The following PPARGC1A variants were observed in gnomAD, a reference collection of about 807,000 sequenced individuals.
PPARGC1A encodes the protein peroxisome proliferator-activated receptor gamma coactivator 1-alpha.
In PPARGC1A, 25 loss-of-function variants were observed where a neutral mutation model predicts 88.7. That is an observed-to-expected ratio of 0.28 (90% confidence interval 0.21 to 0.39). The LOEUF (loss-of-function observed/expected upper bound fraction) is 0.39. Among genes scored for constraint, PPARGC1A ranks in the 10% least tolerant of loss-of-function variants. The pLI is 1.00. For synonymous variants in PPARGC1A, 363 were observed against 355.6 expected, an observed-to-expected ratio of 1.02 and a Z score of -0.24; for missense variants, 880 against 968.7, an observed-to-expected ratio of 0.91 and a Z score of 1.22.
At chr4:24,160,102 G>A in the PPARGC1A span, among the ~76,000 whole-genome samples, 1 of 152,066 alleles carries the variant, frequency 6.6e-6, no homozygotes, top group Non-Finnish European at 1.5e-5. Flanking sequence ...TCAAATCCCA[G>A]CTCTCCTTCT....
the PPARGC1A span, among the ~76,000 whole-genome samples, chr4:24,284,994 C>T: frequency 6.6e-6 from 1 of 151,998 alleles, no homozygotes. Context: ...GGCCACTGCA[C>T]TACAGCCTGG....
At chr4:24,230,016 C>A in the PPARGC1A span, among the ~76,000 whole-genome samples, 267 of 152,276 alleles carry the variant, frequency 1.8e-3, no homozygotes, top group African/African-American at 5.8e-3. Flanking sequence ...AAACTCATTA[C>A]CACTCTATGG....
the PPARGC1A span, among the ~76,000 whole-genome samples, chr4:24,356,772 C>G: frequency 6.6e-6 from 1 of 152,186 alleles, no homozygotes; most frequent in Admixed American, 6.5e-5. Flanking sequence ...CATTCTCTCC[C>G]TTAATCTCTA....
chr4:24,459,861 TAAC>T, the PPARGC1A span, among the ~76,000 whole-genome samples: 2 of 152,196 alleles, frequency 1.3e-5, no homozygotes, highest in African/African-American at 2.4e-5. Context: ...AAATAACTAA[TAAC>T]AACAATTAGC....
At chr4:24,053,686 G>T in the PPARGC1A span, among the ~76,000 whole-genome samples, 1 of 152,178 alleles carries the variant, frequency 6.6e-6, no homozygotes, top group African/African-American at 2.4e-5. Context: ...CACGATGCAA[G>T]ATACTTCACC....
the PPARGC1A span, among the ~76,000 whole-genome samples, chr4:24,036,902 G>A: frequency 7.2e-5 from 11 of 152,144 alleles, no homozygotes; most frequent in African/African-American, 1.7e-4. Flanking sequence ...TTAGAACAAC[G>A]TCAGGTACTT....
chr4:24,058,843 G>A, the PPARGC1A span, among the ~76,000 whole-genome samples: 2 of 152,138 alleles, frequency 1.3e-5, no homozygotes, highest in African/African-American at 4.8e-5. Flanking sequence ...TACTAGGGAG[G>A]CTGAGGCAGG....
the PPARGC1A span, among the ~76,000 whole-genome samples, chr4:24,005,188 G>T: frequency 6.6e-6 from 1 of 151,858 alleles, no homozygotes; most frequent in Non-Finnish European, 1.5e-5. Context: ...AAAATTACAA[G>T]CACTAAACTT....
At chr4:23,971,091 GA>G in the PPARGC1A span, among the ~76,000 whole-genome samples, 1 of 152,094 alleles carries the variant, frequency 6.6e-6, no homozygotes, top group Non-Finnish European at 1.5e-5. Flanking sequence ...TTCCAAGCTA[GA>G]CCCAGGTTAA....
chr4:24,250,322 T>C, the PPARGC1A span, among the ~76,000 whole-genome samples: 3 of 152,368 alleles, frequency 2.0e-5, no homozygotes, highest in East Asian at 5.8e-4. Context: ...TAATGTTAGC[T>C]TCAAATAAGT....
chr4:23,983,260 A>G, the PPARGC1A span, among the ~76,000 whole-genome samples: 1 of 152,204 alleles, frequency 6.6e-6, no homozygotes, highest in Non-Finnish European at 1.5e-5. Context: ...TAAATACTCT[A>G]TAACTTTTTA....
chr4:24,464,485 T>C, the PPARGC1A span, among the ~76,000 whole-genome samples: 2 of 152,234 alleles, frequency 1.3e-5, no homozygotes, highest in African/African-American at 4.8e-5. Context: ...AAATAATAAA[T>C]TGGAGCAGAA....
the PPARGC1A span, among the ~76,000 whole-genome samples, chr4:24,268,354 A>T: frequency 2.0e-5 from 3 of 152,200 alleles, no homozygotes; most frequent in Admixed American, 6.5e-5. Context: ...ACTCAGTTAT[A>T]ACACATGCTT....
At chr4:24,180,736 C>T in the PPARGC1A span, among the ~76,000 whole-genome samples, 1 of 152,164 alleles carries the variant, frequency 6.6e-6, no homozygotes, top group Non-Finnish European at 1.5e-5. Context: ...CCTTACATGA[C>T]TTTGAGGCTG....
chr4:23,795,491 C>T lies in PPARGC1A; in HGVS notation c.*331G>A, dbSNP rs1560304777. On this transcript the variant is annotated 3_prime_UTR_variant, in exon 13 of 13. Coordinates refer to ENST00000264867, the MANE Select transcript of PPARGC1A (RefSeq NM_013261.5). ...ACTTCCCCTAAACCAAGCACACACA[C>T]CACACACATACATACACACACACAT... 1 of 209,446 alleles carries T rather than the reference C, an allele frequency of 4.8e-6. No individual in the cohort carries two copies. The highest frequency in any genetic ancestry group is 1.6e-4 in the East Asian group (1 of 6,270). The allele number at this position is 209,446 out of a possible 1,614,324, so 13.0% of individuals were successfully genotyped here. A position where few individuals can be genotyped will look rare whatever the true frequency, so the allele number is the denominator to read the frequency against.
At chr4:23,805,683 A>G (rs1455502369) in intron 10 of PPARGC1A, among the ~76,000 whole-genome samples, 1 of 152,216 alleles carries the variant, frequency 6.6e-6, no homozygotes, top group Non-Finnish European at 1.5e-5. Flanking sequence ...ATGTGATGGG[A>G]CTGCTATCTA....
chr4:24,467,703 C>T, the PPARGC1A span, among the ~76,000 whole-genome samples: 1 of 151,648 alleles, frequency 6.6e-6, no homozygotes, highest in African/African-American at 2.4e-5. Flanking sequence ...CTTTCGACAA[C>T]TTACCCACGT....
At chr4:24,367,909 C>T in the PPARGC1A span, among the ~76,000 whole-genome samples, 2 of 152,292 alleles carry the variant, frequency 1.3e-5, no homozygotes, top group Admixed American at 1.3e-4. Flanking sequence ...ATGCCAGGCC[C>T]TCCCAGGGTG....
chr4:23,925,003 T>C, the PPARGC1A span, among the ~76,000 whole-genome samples: 1 of 152,234 alleles, frequency 6.6e-6, no homozygotes. Flanking sequence ...TGAACTACTG[T>C]AACAATTAAA....
Sources: gnomAD v4.1 joint callset for allele counts (sites outside exome capture counted in the v4.1 genomes callset) on GRCh38, gnomAD v4.1.1 for gene constraint, MANE v1.5 for transcripts, NCBI Gene and HGNC (gene_info 2026-07-23, HGNC 2026-07-21) for gene names.